The following PTPRD variants were observed in gnomAD, a reference collection of about 807,000 sequenced individuals.
PTPRD encodes protein tyrosine phosphatase receptor type D, also known as receptor-type tyrosine-protein phosphatase delta.
A neutral mutation model predicts 214.5 loss-of-function variants in PTPRD; 34 were observed. The ratio of observed to expected loss-of-function variants is 0.16; its 90% confidence interval spans 0.12 to 0.21. The LOEUF (loss-of-function observed/expected upper bound fraction) is 0.21. Among genes scored for constraint, PTPRD ranks in the 10% least tolerant of loss-of-function variants. PTPRD has a pLI of 1.00. For synonymous variants in PTPRD, 1,128 were observed against 845.7 expected (o/e 1.33, Z -5.79); for missense variants, 2,545 against 2,398.7 (o/e 1.06, Z -1.27).
At chr9:9,909,851 A>AT (rs1253177741) in intron 5 of PTPRD, among the ~76,000 whole-genome samples, 1 of 151,622 alleles carries the variant, frequency 6.6e-6, no homozygotes, top group Non-Finnish European at 1.5e-5. Flanking sequence ...AAGTTCAATT[A>AT]TTTTTTCCCT....
chr9:10,410,036 A>T (rs1215800185), intron 2 of PTPRD, among the ~76,000 whole-genome samples: 1 of 151,634 alleles, frequency 6.6e-6, no homozygotes, highest in Non-Finnish European at 1.5e-5. Context: ...TTGTTGCATC[A>T]AGCCACGAAT....
At chr9:9,746,090 G>A (rs1037118792) in intron 6 of PTPRD, among the ~76,000 whole-genome samples, 1 of 152,062 alleles carries the variant, frequency 6.6e-6, no homozygotes, top group Non-Finnish European at 1.5e-5. Flanking sequence ...AATCTGCAAT[G>A]CTTAAAAAAG....
intron 36 of PTPRD, among the ~76,000 whole-genome samples, chr9:8,401,376 T>C (rs1028159616): frequency 3.3e-5 from 5 of 152,150 alleles, no homozygotes; most frequent in South Asian, 4.1e-4. Context: ...ATAAATCCTA[T>C]TGCCCTCTTC....
intron 7 of PTPRD, among the ~76,000 whole-genome samples, chr9:9,724,402 T>G (rs1295478929): frequency 6.6e-6 from 1 of 152,194 alleles, no homozygotes; most frequent in Non-Finnish European, 1.5e-5. Flanking sequence ...GTGTGCTTAA[T>G]AGGCCTTTGC....
chr9:10,354,733 A>G (rs574445854), intron 2 of PTPRD, among the ~76,000 whole-genome samples: 2 of 152,312 alleles, frequency 1.3e-5, no homozygotes, highest in East Asian at 3.9e-4. Flanking sequence ...GTGACGTTAT[A>G]TCTTCATTTC....
At chr9:8,353,486 G>C (rs1196752127) in intron 39 of PTPRD, among the ~76,000 whole-genome samples, 1 of 152,194 alleles carries the variant, frequency 6.6e-6, no homozygotes, top group Non-Finnish European at 1.5e-5. Flanking sequence ...AGGCTGGAGT[G>C]TGCTGGTGTG....
At chr9:9,436,522 G>C (rs2085320652) in intron 8 of PTPRD, among the ~76,000 whole-genome samples, 1 of 151,964 alleles carries the variant, frequency 6.6e-6, no homozygotes, top group South Asian at 2.1e-4. Context: ...GTTTACAGAT[G>C]CATCCTAAAA....
intron 7 of PTPRD, among the ~76,000 whole-genome samples, chr9:9,670,067 A>G (rs570680796): frequency 6.6e-6 from 1 of 152,214 alleles, no homozygotes; most frequent in East Asian, 1.9e-4. Context: ...AATTGGAGTA[A>G]TATTTGGCAG....
chr9:9,515,162 G>A (rs1407573032), intron 8 of PTPRD, among the ~76,000 whole-genome samples: 3 of 152,078 alleles, frequency 2.0e-5, no homozygotes, highest in African/African-American at 7.2e-5. Context: ...TGACCGTGGT[G>A]GAGGTGCTGG....
chr9:9,455,709 A>G (rs935079821), intron 8 of PTPRD, among the ~76,000 whole-genome samples: 1 of 151,694 alleles, frequency 6.6e-6, no homozygotes, highest in Non-Finnish European at 1.5e-5. Flanking sequence ...ATTGTTCAAT[A>G]TAAAGGGGCA....
chr9:8,641,707 T>A (rs2096580605), intron 12 of PTPRD, among the ~76,000 whole-genome samples: 1 of 152,174 alleles, frequency 6.6e-6, no homozygotes, highest in Non-Finnish European at 1.5e-5. Flanking sequence ...AGGCCATAGC[T>A]CCTGGAATTT....
At chr9:10,049,001 A>G (rs2154151237) in intron 3 of PTPRD, among the ~76,000 whole-genome samples, 1 of 152,248 alleles carries the variant, frequency 6.6e-6, no homozygotes, top group Admixed American at 6.6e-5. Flanking sequence ...GTTCAAGAGC[A>G]AAAGAGAGCT....
chr9:8,511,518 T>A (rs550805317), intron 21 of PTPRD, among the ~76,000 whole-genome samples: 2 of 152,258 alleles, frequency 1.3e-5, no homozygotes, highest in Non-Finnish European at 2.9e-5. Context: ...TTCTGTGTTG[T>A]AACATTTCCT....
chr9:10,244,821 T>G (rs1160639149), intron 3 of PTPRD, among the ~76,000 whole-genome samples: 1 of 152,094 alleles, frequency 6.6e-6, no homozygotes, highest in Non-Finnish European at 1.5e-5. Flanking sequence ...AGGGCTCTAC[T>G]TTTAAAGCAT....
chr9:8,519,846 CA>C (rs1401703985), intron 20 of PTPRD, among the ~76,000 whole-genome samples: 1 of 152,010 alleles, frequency 6.6e-6, no homozygotes, highest in Non-Finnish European at 1.5e-5. Context: ...AGAAGGTGAA[CA>C]AAATATTAGT....
At chr9:9,052,002 A>C (rs1168474984) in intron 10 of PTPRD, among the ~76,000 whole-genome samples, 2 of 152,226 alleles carry the variant, frequency 1.3e-5, no homozygotes, top group Non-Finnish European at 2.9e-5. Context: ...TGCTATAACA[A>C]AAATACCATA....
chr9:10,603,372 A>G (rs1573018), intron 2 of PTPRD, among the ~76,000 whole-genome samples: 48,844 of 151,694 alleles, frequency 0.32, 8,512 homozygotes, highest in East Asian at 0.52. Flanking sequence ...GTCCTCCTGC[A>G]TTCACATTTG....
chr9:9,981,294 G>T (rs891923739), intron 4 of PTPRD, among the ~76,000 whole-genome samples: 3 of 150,774 alleles, frequency 2.0e-5, no homozygotes, highest in Non-Finnish European at 3.0e-5. Context: ...GTAAGATGCT[G>T]AACAACATGT....
At chr9:9,268,136 A>G (rs1189318131) in intron 9 of PTPRD, among the ~76,000 whole-genome samples, 1 of 151,218 alleles carries the variant, frequency 6.6e-6, no homozygotes, top group Non-Finnish European at 1.5e-5. Flanking sequence ...ACTCCATGAA[A>G]AAAAGCTGTT....
Sources: gnomAD v4.1 joint callset for allele counts (sites outside exome capture counted in the v4.1 genomes callset) on GRCh38, gnomAD v4.1.1 for gene constraint, MANE v1.5 for transcripts, NCBI Gene and HGNC (gene_info 2026-07-23, HGNC 2026-07-21) for gene names.